The following CLEC2A variants were observed in gnomAD, a reference collection of about 807,000 sequenced individuals.
CLEC2A encodes C-type lectin domain family 2 member A.
A neutral mutation model predicts 18.6 loss-of-function variants in CLEC2A; 19 were observed. The observed-to-expected ratio is 1.02, with a 90% CI of 0.71 to 1.50. The LOEUF is 1.50. Ranked by LOEUF, CLEC2A falls within the 40% of genes most tolerant of loss-of-function variation. The pLI, the probability that CLEC2A is intolerant of heterozygous loss-of-function variation, is 0.00. For missense variants in CLEC2A, 190 were observed against 207.9 expected (o/e 0.91, Z 0.53); for synonymous variants, 74 against 64.0 (o/e 1.16, Z -0.75).
the CLEC2A span, chr12:9,888,845 C>A: frequency 1.0e-6 from 1 of 961,646 alleles, no homozygotes. Flanking sequence ...CTTCCCTCTT[C>A]CTGGCGTTCA....
the CLEC2A span, among the ~76,000 whole-genome samples, chr12:9,881,219 ATTAT>A: frequency 4.0e-5 from 6 of 151,544 alleles, no homozygotes; most frequent in Admixed American, 6.6e-5. Context: ...TTGTTTAGAG[ATTAT>A]TTGTTTTATT....
At chr12:9,893,504 T>C in the CLEC2A span, 1 of 1,520,092 alleles carries the variant, frequency 6.6e-7, no homozygotes, top group Non-Finnish European at 8.8e-7. Context: ...AGGGAACCTA[T>C]GGATGTGGAT....
chr12:9,881,416 T>C, the CLEC2A span: 1 of 534,330 alleles, frequency 1.9e-6, no homozygotes, highest in African/African-American at 1.9e-5. Flanking sequence ...TCCATTTTCA[T>C]TTACCAACAC....
chr12:9,879,635 C>T, the CLEC2A span, among the ~76,000 whole-genome samples: 1 of 152,154 alleles, frequency 6.6e-6, no homozygotes, highest in Non-Finnish European at 1.5e-5. Flanking sequence ...ATATAGCTCC[C>T]AATATGTTAT....
chr12:9,906,672 T>C (rs947316003), intron 4 of CLEC2A, among the ~76,000 whole-genome samples: 6 of 152,326 alleles, frequency 3.9e-5, no homozygotes, highest in African/African-American at 1.4e-4. Flanking sequence ...TTAGCCAATC[T>C]TCCTGACCCG....
the CLEC2A span, among the ~76,000 whole-genome samples, chr12:9,888,474 A>T: frequency 3.9e-5 from 6 of 151,970 alleles, no homozygotes; most frequent in Non-Finnish European, 7.4e-5. Context: ...TGGGCAACAG[A>T]GTGAGACTCT....
In CLEC2A at chr12:9,906,150, G is replaced by C. The variant is rs1862905910; in HGVS notation, c.411-7174C>G. ...GGTCCCCAGTGGGCCCCTTGATGCA[G>C]CTGAGACAAGATTTCCCTCATGAGG... On this transcript the variant is annotated intron_variant, in intron 4 of 4. Coordinates refer to the CLEC2A transcript ENST00000339766. Among the ~76,000 whole-genome samples the C allele has an allele frequency of 2.6e-5, 4 of 151,968 alleles. No homozygotes were observed. In the South Asian group the frequency reaches 6.2e-4, roughly 24 times the overall value.
At chr12:9,929,746 AG>A (rs201148772) in intron 1 of CLEC2A, among the ~76,000 whole-genome samples, 2,029 of 152,238 alleles carry the variant, frequency 0.013, 22 homozygotes, top group Non-Finnish European at 0.017. Context: ...GAAATCAAAA[AG>A]TCTATTAAAT....
At chr12:9,893,531 G>A in the CLEC2A span, 3 of 1,453,106 alleles carry the variant, frequency 2.1e-6, no homozygotes, top group Non-Finnish European at 2.8e-6. Context: ...ACACTTTTTA[G>A]TTCCAGAATT....
chr12:9,887,284 A>C, the CLEC2A span, among the ~76,000 whole-genome samples: 1 of 152,176 alleles, frequency 6.6e-6, no homozygotes, highest in African/African-American at 2.4e-5. Context: ...ATGATAGATT[A>C]GATAGATAAA....
chr12:9,920,104 C>T (rs1052090655), intron 3 of CLEC2A, among the ~76,000 whole-genome samples: 1 of 152,154 alleles, frequency 6.6e-6, no homozygotes, highest in East Asian at 1.9e-4. Context: ...CAGGGAGGTG[C>T]AATGCTGTTA....
At chr12:9,898,419 T>C (rs1315896524), downstream of CLEC2A, among the ~76,000 whole-genome samples, 1 of 152,174 alleles carries the variant, frequency 6.6e-6, no homozygotes, top group Non-Finnish European at 1.5e-5. Flanking sequence ...ATTTTTTTCC[T>C]GCCTTCCCTG....
At chr12:9,888,922 TC>T in the CLEC2A span, 2 of 499,502 alleles carry the variant, frequency 4.0e-6, no homozygotes, top group Non-Finnish European at 7.2e-6. Flanking sequence ...GACATCCTCT[TC>T]CTCAGTGCCA....
At chr12:9,902,581 G>C (rs1013731130) in intron 4 of CLEC2A, among the ~76,000 whole-genome samples, 3 of 151,072 alleles carry the variant, frequency 2.0e-5, no homozygotes, top group Non-Finnish European at 4.4e-5. Context: ...CGGGCAACCC[G>C]CTCGGGTCCC....
the CLEC2A span, chr12:9,881,452 G>T: frequency 1.7e-6 from 1 of 586,054 alleles, no homozygotes; most frequent in East Asian, 2.9e-5. Flanking sequence ...AGACATCTGT[G>T]TCTGAGTAAA....
chr12:9,913,336 G>T lies in CLEC2A; in HGVS notation c.*230C>A. ...CCATCAGGAGGTGATTAGTTCATGA[G>T]GATGGAGCCATAGTAAATGTGATTG... On this transcript the variant is annotated 3_prime_UTR_variant, in exon 5 of 5. Coordinates refer to ENST00000455827, the MANE Select transcript of CLEC2A (RefSeq NM_001130711.2). The T allele has an allele frequency of 1.8e-6, 1 of 563,648 alleles. No individual in the cohort carries two copies. The highest frequency in any genetic ancestry group is 2.8e-6 in the Non-Finnish European group (1 of 360,012). 34.9% of individuals were successfully genotyped at this position (563,648 alleles called of 1,614,324 possible).
the CLEC2A span, among the ~76,000 whole-genome samples, chr12:9,890,055 A>T: frequency 6.6e-6 from 1 of 152,248 alleles, no homozygotes; most frequent in East Asian, 1.9e-4. Flanking sequence ...TACATAATCA[A>T]TATTTTCCAT....
At chr12:9,924,304 T>C (rs750783165) in intron 2 of CLEC2A, among the ~76,000 whole-genome samples, 47 of 152,212 alleles carry the variant, frequency 3.1e-4, no homozygotes, top group Non-Finnish European at 4.3e-4. Flanking sequence ...TAAATGAACA[T>C]AAAAACTTAC....
At chr12:9,924,477 C>G (rs1235615954) in intron 2 of CLEC2A, among the ~76,000 whole-genome samples, 1 of 149,458 alleles carries the variant, frequency 6.7e-6, no homozygotes, top group African/African-American at 2.4e-5. Context: ...CCAATCAAAC[C>G]AAAACAAAAC....
Sources: gnomAD v4.1 joint callset for allele counts (sites outside exome capture counted in the v4.1 genomes callset) on GRCh38, gnomAD v4.1.1 for gene constraint, MANE v1.5 for transcripts, NCBI Gene and HGNC (gene_info 2026-07-23, HGNC 2026-07-21) for gene names.